Variants in DGKB observed in about 807,000 individuals in gnomAD.
DGKB encodes diacylglycerol kinase beta, also known as 90 kDa diacylglycerol kinase.
A neutral mutation model predicts 114.3 loss-of-function variants in DGKB; 67 were observed. The ratio of observed to expected loss-of-function variants is 0.59; its 90% CI spans 0.48 to 0.72. DGKB has a LOEUF of 0.72. DGKB is among the 30% of genes least tolerant of loss of function. The probability of loss-of-function intolerance (pLI) is 0.00; values close to 1 mark genes in which losing one functional copy is unlikely to be tolerated. For synonymous variants in DGKB, 398 were observed against 323.1 expected (o/e 1.23, Z -2.49); for missense variants, 907 against 975.2 (o/e 0.93, Z 0.93).
intron 23 of DGKB, among the ~76,000 whole-genome samples, chr7:14,210,486 C>T (rs1787579290): frequency 6.6e-6 from 1 of 152,120 alleles, no homozygotes; most frequent in Non-Finnish European, 1.5e-5. Flanking sequence ...TTCTAAATAT[C>T]ATTTCCAGGA....
chr7:14,722,443 T>A (rs2128361850), intron 5 of DGKB, among the ~76,000 whole-genome samples: 1 of 152,296 alleles, frequency 6.6e-6, no homozygotes, highest in South Asian at 2.1e-4. Context: ...TTTTTATCAC[T>A]GAATAACATT....
intron 17 of DGKB, among the ~76,000 whole-genome samples, chr7:14,589,229 T>C (rs1023353529): frequency 3.9e-5 from 6 of 152,036 alleles, no homozygotes; most frequent in Admixed American, 3.3e-4. Flanking sequence ...TTGAGTGTTA[T>C]ACATTGATTT....
At chr7:14,606,269 T>C (rs1804492312) in intron 17 of DGKB, among the ~76,000 whole-genome samples, 1 of 152,024 alleles carries the variant, frequency 6.6e-6, no homozygotes, top group African/African-American at 2.4e-5. Context: ...CATGATCCTC[T>C]AGATTCTGGA....
At chr7:14,465,298 A>T (rs960590468) in intron 21 of DGKB, among the ~76,000 whole-genome samples, 15 of 150,334 alleles carry the variant, frequency 1.0e-4, no homozygotes, top group African/African-American at 2.8e-4. Flanking sequence ...ACTATAATAA[A>T]TATTTCTCAA....
At chr7:14,781,969 T>A (rs1240797658) in intron 2 of DGKB, among the ~76,000 whole-genome samples, 1 of 152,148 alleles carries the variant, frequency 6.6e-6, no homozygotes, top group Non-Finnish European at 1.5e-5. Flanking sequence ...CCCTAGTATT[T>A]AGCACAATAT....
intron 23 of DGKB, among the ~76,000 whole-genome samples, chr7:14,332,285 A>G (rs1228802889): frequency 1.3e-5 from 2 of 152,228 alleles, no homozygotes; most frequent in Non-Finnish European, 2.9e-5. Context: ...GTACAAGGAC[A>G]TGAAGTTACT....
In DGKB at chr7:14,736,965, T is replaced by G. The variant is rs370356826; in HGVS notation, c.169-771A>C. Among the ~76,000 whole-genome samples, 59 of 152,288 alleles carry G rather than the reference T, an allele frequency of 3.9e-4. No homozygotes were observed. The South Asian group carries it at 0.011, about 29-fold the overall frequency. On this transcript the variant is annotated intron_variant, in intron 4 of 25. Coordinates refer to ENST00000402815, the MANE Select transcript of DGKB (RefSeq NM_001350709.2). ...GGTTTCTCCTTGCAGATGAAGGCAG[T>G]GCACCAGGATTTGACTCTGCCTAGG...
At chr7:14,743,715 C>T (rs1411962663) in intron 4 of DGKB, among the ~76,000 whole-genome samples, 1 of 152,112 alleles carries the variant, frequency 6.6e-6, no homozygotes, top group African/African-American at 2.4e-5. Context: ...TGTATGCTAT[C>T]AATCACAATT....
chr7:14,672,477 A>G (rs1372872866), intron 13 of DGKB, among the ~76,000 whole-genome samples: 1 of 152,072 alleles, frequency 6.6e-6, no homozygotes, highest in East Asian at 1.9e-4. Context: ...AAAACAGCTA[A>G]TAGCAGTGCA....
At chr7:14,336,725 A>G (rs1233386511) in intron 23 of DGKB, among the ~76,000 whole-genome samples, 1 of 152,140 alleles carries the variant, frequency 6.6e-6, no homozygotes, top group Non-Finnish European at 1.5e-5. Context: ...CCTGAAAAAA[A>G]ATCATACGAA....
intron 23 of DGKB, among the ~76,000 whole-genome samples, chr7:14,300,495 C>A (rs1165643360): frequency 6.6e-6 from 1 of 152,044 alleles, no homozygotes; most frequent in African/African-American, 2.4e-5. Context: ...CATTTAAAAG[C>A]CCTGTGTGAA....
chr7:14,743,611 A>T (rs1832866011), intron 4 of DGKB, among the ~76,000 whole-genome samples: 1 of 152,168 alleles, frequency 6.6e-6, no homozygotes. Flanking sequence ...GGATCTCCAA[A>T]ATGATGTTTA....
At chr7:14,203,160 C>T (rs113588777) in intron 23 of DGKB, among the ~76,000 whole-genome samples, 7,099 of 63,802 alleles carry the variant, frequency 0.11, 424 homozygotes, top group African/African-American at 0.39. Context: ...AGAGCAGTAG[C>T]CAAAAAAAAA....
chr7:14,802,203 T>G (rs968235988), intron 2 of DGKB, among the ~76,000 whole-genome samples: 2 of 152,182 alleles, frequency 1.3e-5, no homozygotes, highest in Admixed American at 6.6e-5. Context: ...AATCTTGATT[T>G]AATTTCCAAT....
chr7:14,957,220 T>C (rs945507555), intron 1 of DGKB, among the ~76,000 whole-genome samples: 3 of 151,982 alleles, frequency 2.0e-5, no homozygotes, highest in Non-Finnish European at 2.9e-5. Context: ...AGACAGAATT[T>C]GAACATCCCT....
Position 14,500,498 on chromosome 7 carries a change from C to G in DGKB, c.1771-22273G>C, listed in dbSNP as rs570549528. Among the ~76,000 whole-genome samples, 12 of 150,928 alleles carry G rather than the reference C, an allele frequency of 8.0e-5. No individual in the cohort carries two copies. In the East Asian group the frequency reaches 1.4e-3, roughly 17 times the overall value. On this transcript the variant is annotated intron_variant, in intron 20 of 25. Transcript: ENST00000402815. The stretch of plus-strand genomic sequence containing the variant: ...TATTTTTTTTTTTGCTATCATCTTT[C>G]CTAAAATAGTACAATCAAGAGTACA...
intron 21 of DGKB, among the ~76,000 whole-genome samples, chr7:14,356,354 T>TG: frequency 8.4e-6 from 1 of 118,998 alleles, no homozygotes; most frequent in African/African-American, 3.8e-5. Context: ...CTCTAGTTCT[T>TG]TTTTTTTTTT....
At chr7:14,847,668 T>TA (rs1848824775) in intron 1 of DGKB, among the ~76,000 whole-genome samples, 1 of 152,074 alleles carries the variant, frequency 6.6e-6, no homozygotes, top group Non-Finnish European at 1.5e-5. Context: ...CACCCATAAA[T>TA]AAATGCAAAC....
chr7:14,882,015 A>G (rs1487495650), intron 1 of DGKB, among the ~76,000 whole-genome samples: 2 of 152,032 alleles, frequency 1.3e-5, no homozygotes, highest in African/African-American at 2.4e-5. Flanking sequence ...GCCAAATAAC[A>G]TATTTGAAAT....
Sources: allele counts gnomAD v4.1 joint callset (sites outside exome capture counted in the v4.1 genomes callset), GRCh38; gene constraint gnomAD v4.1.1; transcripts MANE v1.5; gene names NCBI Gene and HGNC (gene_info 2026-07-23, HGNC 2026-07-21).